Variants in RALYL observed in about 807,000 individuals in gnomAD.
RALYL encodes RNA-binding Raly-like protein.
RALYL carries 29 observed loss-of-function variants against 35.1 expected under a neutral mutation model. That is an observed-to-expected ratio of 0.83 (90% CI 0.61 to 1.13). RALYL has a LOEUF of 1.13. RALYL is among the 50% of genes most tolerant of loss of function. The probability of loss-of-function intolerance (pLI) is 0.00; values close to 1 mark genes in which losing one functional copy is unlikely to be tolerated. For missense variants in RALYL, 359 were observed against 360.4 expected (o/e 1.00, Z 0.03); for synonymous variants, 120 against 127.6 (o/e 0.94, Z 0.40).
chr8:84,657,925 A>G (rs1020784653), intron 2 of RALYL, among the ~76,000 whole-genome samples: 1 of 152,188 alleles, frequency 6.6e-6, no homozygotes, highest in African/African-American at 2.4e-5. Context: ...ATGAGAAACA[A>G]AAATGAAATC....
chr8:84,521,659 A>G (rs1296924916), intron 1 of RALYL, among the ~76,000 whole-genome samples: 2 of 152,226 alleles, frequency 1.3e-5, no homozygotes, highest in Non-Finnish European at 2.9e-5. Context: ...CAGTCATTTA[A>G]TTTATATTTA....
Position 84,661,955 on chromosome 8 carries a change from T to C in RALYL, c.257-112624T>C, listed in dbSNP as rs76051189. Among the ~76,000 whole-genome samples the C allele has an allele frequency of 7.3e-4, 110 of 151,538 alleles. No individual in the cohort carries two copies. In the East Asian group the frequency reaches 0.02, roughly 28 times the overall value. ...ATTTTTGTTACTGTTTTTTTTTTTTTCCTTGTGGTCCCATACTTCTTATAG... is the reference window on the plus strand; with the variant it reads ...ATTTTTGTTACTGTTTTTTTTTTTTCCCTTGTGGTCCCATACTTCTTATAG... On this transcript the variant is annotated intron_variant, in intron 2 of 8. Coordinates refer to ENST00000521268, the MANE Select transcript of RALYL (RefSeq NM_173848.7).
chr8:84,916,947 A>G (rs975206608), intron 8 of RALYL, among the ~76,000 whole-genome samples: 1 of 152,066 alleles, frequency 6.6e-6, no homozygotes, highest in African/African-American at 2.4e-5. Context: ...AATTTATTTT[A>G]ACATTAAGTT....
intron 2 of RALYL, 45 bp from the exon 3 acceptor site, chr8:84,774,534 G>A: frequency 8.0e-7 from 1 of 1,247,706 alleles, no homozygotes; most frequent in Non-Finnish European, 1.1e-6. Flanking sequence ...TTCTCAGATG[G>A]TTTCGTATTT....
At chr8:84,843,337 G>A (rs943078713) in intron 4 of RALYL, among the ~76,000 whole-genome samples, 5 of 151,758 alleles carry the variant, frequency 3.3e-5, no homozygotes, top group Non-Finnish European at 7.4e-5. Context: ...ACAAACAGAG[G>A]GCCAAATCAT....
intron 2 of RALYL, among the ~76,000 whole-genome samples, chr8:84,548,570 T>G (rs1040396515): frequency 3.9e-5 from 6 of 152,214 alleles, no homozygotes; most frequent in African/African-American, 1.4e-4. Flanking sequence ...TTTGGAGACT[T>G]GAATGTGATC....
chr8:84,708,183 G>A (rs1841543071), intron 2 of RALYL, among the ~76,000 whole-genome samples: 1 of 152,084 alleles, frequency 6.6e-6, no homozygotes, highest in Admixed American at 6.6e-5. Flanking sequence ...TAGTAAAGGT[G>A]CATGTGGCTA....
At chr8:84,507,092 T>C (rs2057233343) in intron 1 of RALYL, among the ~76,000 whole-genome samples, 1 of 152,102 alleles carries the variant, frequency 6.6e-6, no homozygotes, top group Non-Finnish European at 1.5e-5. Context: ...GTAGAGTTTT[T>C]ATTGTTCACC....
At chr8:84,370,482 T>G (rs1182515604) in intron 1 of RALYL, among the ~76,000 whole-genome samples, 1 of 151,588 alleles carries the variant, frequency 6.6e-6, no homozygotes, top group South Asian at 2.1e-4. Flanking sequence ...ACACATAAAG[T>G]GTTTTGTGCT....
chr8:84,356,239 C>T (rs1851810556), intron 1 of RALYL, among the ~76,000 whole-genome samples: 1 of 150,266 alleles, frequency 6.7e-6, no homozygotes, highest in African/African-American at 2.5e-5. Context: ...TGAGAACTGA[C>T]TAATACATAG....
At chr8:84,831,777 A>G (rs1830981582) in intron 4 of RALYL, among the ~76,000 whole-genome samples, 1 of 152,098 alleles carries the variant, frequency 6.6e-6, no homozygotes, top group South Asian at 2.1e-4. Context: ...ATCAGTGGGG[A>G]AAAAAATAGA....
intron 1 of RALYL, among the ~76,000 whole-genome samples, chr8:84,194,319 C>T (rs1234535084): frequency 6.6e-6 from 1 of 151,842 alleles, no homozygotes; most frequent in Non-Finnish European, 1.5e-5. Flanking sequence ...ATTTTTAGAG[C>T]TTTACAATCA....
intron 1 of RALYL, among the ~76,000 whole-genome samples, chr8:84,460,266 G>A (rs765231233): frequency 1.3e-5 from 2 of 151,674 alleles, no homozygotes; most frequent in Admixed American, 6.6e-5. Flanking sequence ...GCTTATGGAA[G>A]CAATTTAACC....
At chr8:84,570,017 A>T (rs1807538788) in intron 2 of RALYL, among the ~76,000 whole-genome samples, 1 of 151,810 alleles carries the variant, frequency 6.6e-6, no homozygotes, top group Admixed American at 6.6e-5. Context: ...AATTCAAGTA[A>T]TGTGATGCCT....
At chr8:84,253,381 T>A (rs1350793911) in intron 1 of RALYL, among the ~76,000 whole-genome samples, 14 of 149,598 alleles carry the variant, frequency 9.4e-5, no homozygotes, top group African/African-American at 3.4e-4. Context: ...TTTTTTTTTT[T>A]AGTAGAGATG....
At chr8:84,216,726 T>C (rs7818549) in intron 1 of RALYL, among the ~76,000 whole-genome samples, 2,234 of 152,256 alleles carry the variant, frequency 0.015, 53 homozygotes, top group African/African-American at 0.049. Flanking sequence ...ATGTGGCTAA[T>C]GATCACTTGA....
chr8:84,328,092 A>G lies in RALYL; in HGVS notation c.-24+143668A>G, dbSNP rs1846147331. On this transcript the variant is annotated intron_variant, in intron 1 of 8. Coordinates refer to ENST00000521268, the MANE Select transcript of RALYL (RefSeq NM_173848.7). ...CTGTCTTTCATAGTCTTTCACTTAG[A>G]ACTTATTACGGTAACATTAATTATT... is the stretch of plus-strand genomic sequence containing the variant. Among the ~76,000 whole-genome samples the G allele has an allele frequency of 2.0e-5, 3 of 152,168 alleles. No homozygotes were observed. The South Asian group carries it at 6.2e-4, about 32-fold the overall frequency.
intron 2 of RALYL, among the ~76,000 whole-genome samples, chr8:84,689,300 T>C (rs1303770555): frequency 6.6e-6 from 1 of 152,126 alleles, no homozygotes; most frequent in Non-Finnish European, 1.5e-5. Flanking sequence ...CATTGTTCAA[T>C]TCCCACCTAT....
chr8:84,746,561 G>A (rs1229091979), intron 2 of RALYL, among the ~76,000 whole-genome samples: 1 of 151,946 alleles, frequency 6.6e-6, no homozygotes, highest in Non-Finnish European at 1.5e-5. Context: ...CCTTTCTAGT[G>A]TATTGGACTA....
Sources: allele counts gnomAD v4.1 joint callset (sites outside exome capture counted in the v4.1 genomes callset), GRCh38; gene constraint gnomAD v4.1.1; transcripts MANE v1.5; gene names NCBI Gene and HGNC (gene_info 2026-07-23, HGNC 2026-07-21).